The following ZNF782 variants were observed in gnomAD, a reference collection of about 807,000 sequenced individuals.
The protein encoded by ZNF782 is zinc finger protein 782.
Under a neutral mutation model 13.0 loss-of-function variants are expected in ZNF782, and 12 were observed. The observed-to-expected ratio is 0.92, with a 90% CI of 0.59 to 1.50. ZNF782 has a LOEUF of 1.50. Ranked by LOEUF, ZNF782 falls within the 40% of genes most tolerant of loss-of-function variation. The pLI, the probability that ZNF782 is intolerant of heterozygous loss-of-function variation, is 0.00. For missense variants in ZNF782, 770 were observed against 822.9 expected (o/e 0.94, Z 0.79); for synonymous variants, 284 against 283.0 (o/e 1.00, Z -0.04).
chr9:96,840,057 C>G (rs556700540), intron 4 of ZNF782, among the ~76,000 whole-genome samples: 19 of 152,250 alleles, frequency 1.2e-4, no homozygotes, highest in Admixed American at 2.0e-4. Flanking sequence ...ATTAATGCAC[C>G]TGTAATTTCT....
At chr9:96,867,201 C>A (rs1851766192) in intron 1 of ZNF782, among the ~76,000 whole-genome samples, 1 of 152,084 alleles carries the variant, frequency 6.6e-6, no homozygotes, top group Non-Finnish European at 1.5e-5. Flanking sequence ...CTTGAATTTC[C>A]ACGTGTTGTG....
Position 96,818,820 on chromosome 9 carries a change from T to C in ZNF782, c.1203A>G (p.Lys401=). 2 of 1,614,126 alleles carry C rather than the reference T, an allele frequency of 1.2e-6. No individual in the cohort carries two copies. The highest frequency in any genetic ancestry group is 1.3e-5 in the African/African-American group (1 of 75,030). The change falls in exon 6 of 6, where the codon AAA becomes AAG. Residue 401 remains lysine, a synonymous_variant. Transcript: ENST00000481138. The part of the protein sequence containing the change: ...EKPYECPECG[K]AFSEKSRLRK... ...TTAGGCGTGACTTCTCACTGAAGGC[T>C]TTCCCGCACTCAGGACATTCATAGG...
chr9:96,858,530 A>G (rs1007580532), upstream of ZNF782, among the ~76,000 whole-genome samples: 1 of 152,160 alleles, frequency 6.6e-6, no homozygotes, highest in South Asian at 2.1e-4. The surrounding 1 kb of genome is among the most constrained non-coding windows in gnomAD (Gnocchi z 4.4). Flanking sequence ...ACTGCTGTAA[A>G]GGGAAGGGCC....
At chr9:96,877,757 C>G (rs867318687), upstream of ZNF782, among the ~76,000 whole-genome samples, 1 of 152,194 alleles carries the variant, frequency 6.6e-6, no homozygotes, top group South Asian at 2.1e-4. Context: ...GCCTCTTCAT[C>G]AGACGGAATT....
At chr9:96,883,835 C>T in the ZNF782 span, among the ~76,000 whole-genome samples, 3 of 152,320 alleles carry the variant, frequency 2.0e-5, 1 homozygote, top group African/African-American at 7.2e-5. Flanking sequence ...TGATGAACTG[C>T]AGGGTGATGA....
At position 96,844,752 on chromosome 9, in the gene ZNF782, C is replaced by T; in HGVS notation, c.142+138G>A. The stretch of plus-strand genomic sequence containing the variant: ...ATTTTATTTTCTGTTAAGTATACCT[C>T]AATAAAAGTGACTAATATAAAAAAG... On this transcript the variant is annotated intron_variant, in intron 4 of 5. Coordinates refer to ENST00000481138, the MANE Select transcript of ZNF782 (RefSeq NM_001001662.3). The T allele has an allele frequency of 2.6e-6, 3 of 1,160,608 alleles. No individual in the cohort carries two copies. The South Asian group carries it at 4.0e-5, about 16-fold the overall frequency. The allele number at this position is 1,160,608 out of a possible 1,614,324, so 71.9% of individuals were successfully genotyped here.
rs906109472 is a variant in ZNF782 at position 96,817,470 on chromosome 9, G to A, written c.*453C>T. 9 of 155,042 alleles carry A rather than the reference G, an allele frequency of 5.8e-5. No homozygotes were observed. The highest frequency in any genetic ancestry group is 1.9e-4 in the African/African-American group (8 of 41,492). 9.6% of individuals were successfully genotyped at this position (155,042 alleles called of 1,614,324 possible). On this transcript the variant is annotated 3_prime_UTR_variant, in exon 6 of 6. Coordinates refer to ENST00000481138, the MANE Select transcript of ZNF782 (RefSeq NM_001001662.3). The stretch of plus-strand genomic sequence containing the variant: ...ATACTATGAGGTCTCTATCTTGAAT[G>A]TATTTTCTGCTGTACTGACTTTTCA...
chr9:96,881,175 G>C, the ZNF782 span, among the ~76,000 whole-genome samples: 1 of 152,126 alleles, frequency 6.6e-6, no homozygotes, highest in South Asian at 2.1e-4. Flanking sequence ...AATCTTGCTA[G>C]ATGTTTATCA....
At chr9:96,886,171 G>A in the ZNF782 span, among the ~76,000 whole-genome samples, 1 of 150,626 alleles carries the variant, frequency 6.6e-6, no homozygotes, top group East Asian at 1.9e-4. Context: ...CTGAAACCCT[G>A]GAGCTGGAAG....
At chr9:96,917,915 T>TGTAGATGGGG in the ZNF782 span, among the ~76,000 whole-genome samples, 1 of 150,106 alleles carries the variant, frequency 6.7e-6, no homozygotes, top group Admixed American at 6.7e-5. Flanking sequence ...TGTGTGTGTG[T>TGTAGATGGGG]GTGTGTGTGT....
the ZNF782 span, among the ~76,000 whole-genome samples, chr9:96,898,489 T>A: frequency 6.7e-6 from 1 of 149,144 alleles, no homozygotes; most frequent in African/African-American, 2.5e-5. Context: ...CAATACCTCA[T>A]TTCTTTTTAA....
chr9:96,831,472 G>A (rs1016949060), intron 4 of ZNF782, among the ~76,000 whole-genome samples: 2 of 152,096 alleles, frequency 1.3e-5, no homozygotes, highest in African/African-American at 4.8e-5. Flanking sequence ...CACTTTGGGA[G>A]GCCGAGACGG....
At chr9:96,843,398 C>T (rs373467005) in intron 4 of ZNF782, among the ~76,000 whole-genome samples, 1 of 152,124 alleles carries the variant, frequency 6.6e-6, no homozygotes, top group South Asian at 2.1e-4. Flanking sequence ...AAGAGCATTA[C>T]GCTGAGTGAA....
Position 96,819,796 on chromosome 9 carries a change from A to T in ZNF782, c.245-18T>A. The T allele has an allele frequency of 6.5e-7, 1 of 1,536,122 alleles. No individual in the cohort carries two copies. Among genetic ancestry groups the T allele is most frequent in the Non-Finnish European group, 8.7e-7 (1 of 1,147,772 alleles). On this transcript the variant is annotated intron_variant, in intron 5 of 5. Coordinates refer to ENST00000481138, the MANE Select transcript of ZNF782 (RefSeq NM_001001662.3). ...GGAGTCTTCTAAAAATGATAAAATT[A>T]AACAAACTTTATGATATTTAACACA...
At position 96,854,201 on chromosome 9, in the gene ZNF782, C is replaced by T. The variant is rs1480388907; in HGVS notation, c.-375G>A. On this transcript the variant is annotated 5_prime_UTR_variant, in exon 1 of 6. Transcript: ENST00000481138. ...CGCTTTCCCCACCCCCGCCGCCGCT[C>T]GCGCCGGGCTCCGGTCCCGCACACC... 1 of 152,472 alleles carries T rather than the reference C, an allele frequency of 6.6e-6. No homozygotes were observed. Among genetic ancestry groups the T allele is most frequent in the Non-Finnish European group, 1.5e-5 (1 of 68,182 alleles). The allele number at this position is 152,472 out of a possible 1,614,324, so 9.4% of individuals were successfully genotyped here.
chr9:96,878,738 G>A (rs948795533), upstream of ZNF782, among the ~76,000 whole-genome samples: 1 of 152,136 alleles, frequency 6.6e-6, no homozygotes, highest in Non-Finnish European at 1.5e-5. Context: ...AATAATATGT[G>A]GCAAATAGCA....
intron 3 of ZNF782, among the ~76,000 whole-genome samples, chr9:96,846,003 T>G (rs986944521): frequency 2.6e-5 from 4 of 152,196 alleles, no homozygotes; most frequent in African/African-American, 9.6e-5. Context: ...AGCAGACTTC[T>G]CAGCAGAAAC....
At chr9:96,821,186 C>A (rs12236125) in intron 5 of ZNF782, among the ~76,000 whole-genome samples, 8 of 152,172 alleles carry the variant, frequency 5.3e-5, no homozygotes, top group Admixed American at 4.6e-4. Flanking sequence ...AGTGCCCTAA[C>A]AGATATTCAG....
rs1191166485 is a variant in ZNF782, at chr9:96,851,944, T to G, written c.15+3A>C. 3 of 1,614,010 alleles carry G rather than the reference T, an allele frequency of 1.9e-6. No individual in the cohort carries two copies. The South Asian group carries it at 3.3e-5, about 18-fold the overall frequency. ...CAAAGTGGGGAATGAATAAAAAGCT[T>G]ACCTGAAATGTGTTCATTTTCTGTG... On this transcript the variant is annotated splice_donor_region_variant and intron_variant, in intron 3 of 5. Coordinates refer to ENST00000481138, the MANE Select transcript of ZNF782 (RefSeq NM_001001662.3).
Sources: allele counts gnomAD v4.1 joint callset (sites outside exome capture counted in the v4.1 genomes callset), GRCh38; gene constraint gnomAD v4.1.1; non-coding constraint Gnocchi (gnomAD v3.1); transcripts MANE v1.5; gene names NCBI Gene and HGNC (gene_info 2026-07-23, HGNC 2026-07-21).